The following MTSS1 variants were observed in gnomAD, a reference collection of about 807,000 sequenced individuals.
The protein encoded by MTSS1 is MTSS I-BAR domain containing 1, also known as protein MTSS 1.
In MTSS1, 18 loss-of-function variants were observed where a neutral mutation model predicts 79.0. The ratio of observed to expected loss-of-function variants is 0.23; its 90% CI spans 0.16 to 0.34. MTSS1 has a LOEUF of 0.34. Among genes scored for constraint, MTSS1 ranks in the 10% least tolerant of loss-of-function variants. The pLI is 1.00. For missense variants in MTSS1, 815 were observed against 986.2 expected (o/e 0.83, Z 2.33); for synonymous variants, 341 against 368.6 (o/e 0.93, Z 0.86).
At chr8:124,577,583 CA>C (rs759483069) in intron 6 of MTSS1, 1 of 518,996 alleles carries the variant, frequency 1.9e-6, no homozygotes, top group Non-Finnish European at 3.8e-6. Context: ...GGATTCAGGT[CA>C]GGGGCAGCTT....
At chr8:124,713,526 A>C (rs1051933423) in intron 1 of MTSS1, among the ~76,000 whole-genome samples, 2 of 152,056 alleles carry the variant, frequency 1.3e-5, no homozygotes, top group Non-Finnish European at 2.9e-5. Context: ...GAGGTTCAAG[A>C]GATTCTCCTG....
At chr8:124,654,033 G>A (rs1820501158) in intron 3 of MTSS1, among the ~76,000 whole-genome samples, 1 of 152,212 alleles carries the variant, frequency 6.6e-6, no homozygotes, top group Middle Eastern at 3.4e-3. Context: ...CCACTTCTTG[G>A]GTTACTTACA....
At position 124,716,236 on chromosome 8, in the gene MTSS1, G is replaced by A. The variant is rs115563012; in HGVS notation, c.72+11648C>T. ...CCAGAGTGAGGCAATGCCTCACCTC[G>A]GTCTCAGAGGATAAATGGGAATTTT... On this transcript the variant is annotated intron_variant, in intron 1 of 13. Transcript: ENST00000518547. 6.8e-3 allele frequency among the ~76,000 whole-genome samples: 1,037 copies of A among 152,246 alleles called. 12 individuals are homozygous for A. Among genetic ancestry groups the A allele is most frequent in the African/African-American group, 0.022 (932 of 41,530 alleles).
intron 3 of MTSS1, among the ~76,000 whole-genome samples, chr8:124,653,107 G>A (rs1029242375): frequency 4.6e-5 from 7 of 152,308 alleles, no homozygotes; most frequent in Admixed American, 6.5e-5. Context: ...TGGAATGCCC[G>A]GATGGGGCAC....
intron 6 of MTSS1, among the ~76,000 whole-genome samples, chr8:124,572,875 T>C (rs1828126774): frequency 7.4e-6 from 1 of 134,954 alleles, no homozygotes; most frequent in East Asian, 2.2e-4. Context: ...GCCACCCAAG[T>C]AGCTGGGATT....
At chr8:124,558,961 CAT>C (rs1824656106) in intron 10 of MTSS1, 9 of 1,258,744 alleles carry the variant, frequency 7.1e-6, no homozygotes, top group Non-Finnish European at 9.4e-6. Flanking sequence ...AAGAGACAGA[CAT>C]ATACACAGAA....
chr8:124,589,306 C>T (rs574881584), intron 5 of MTSS1, among the ~76,000 whole-genome samples: 1 of 152,298 alleles, frequency 6.6e-6, no homozygotes, highest in South Asian at 2.1e-4. Flanking sequence ...GCCGGGATTA[C>T]AGGTCTGAGC....
At chr8:124,651,063 G>T (rs2134169994) in intron 3 of MTSS1, among the ~76,000 whole-genome samples, 1 of 152,304 alleles carries the variant, frequency 6.6e-6, no homozygotes, top group Admixed American at 6.5e-5. Flanking sequence ...ATTAAATGTT[G>T]ACTTCTATTA....
chr8:124,663,986 TCTGCAGACAA>T (rs1390867325), intron 3 of MTSS1, among the ~76,000 whole-genome samples: 1 of 152,060 alleles, frequency 6.6e-6, no homozygotes, highest in Non-Finnish European at 1.5e-5. Flanking sequence ...CCCAGTGGTG[TCTGCAGACAA>T]AGGAGAAATA....
At chr8:124,670,774 C>G (rs569012460) in intron 3 of MTSS1, among the ~76,000 whole-genome samples, 1 of 152,132 alleles carries the variant, frequency 6.6e-6, no homozygotes, top group South Asian at 2.1e-4. Context: ...CAATTCATCC[C>G]GTCTCCAAAG....
chr8:124,629,725 G>A (rs1026888169), intron 3 of MTSS1, among the ~76,000 whole-genome samples: 5 of 151,896 alleles, frequency 3.3e-5, no homozygotes, highest in African/African-American at 9.7e-5. Flanking sequence ...AGTTTCCATC[G>A]TAACACACAG....
At chr8:124,623,218 C>T (rs1474817220) in intron 3 of MTSS1, among the ~76,000 whole-genome samples, 1 of 152,240 alleles carries the variant, frequency 6.6e-6, no homozygotes, top group African/African-American at 2.4e-5. Flanking sequence ...GTCTTCTGAA[C>T]TCACACACGT....
At chr8:124,704,257 G>A in intron 1 of MTSS1, 66 bp from the exon 2 acceptor site, 2 of 1,348,434 alleles carry the variant, frequency 1.5e-6, no homozygotes, top group Non-Finnish European at 2.1e-6. Flanking sequence ...CATTAACAGA[G>A]CACCCAATTC....
At chr8:124,697,776 G>A (rs1350224110) in intron 3 of MTSS1, among the ~76,000 whole-genome samples, 1 of 152,100 alleles carries the variant, frequency 6.6e-6, no homozygotes, top group East Asian at 1.9e-4. Context: ...CATAAGCTAT[G>A]GAGTAATTTT....
chr8:124,562,947 G>A lies in MTSS1; in HGVS notation c.870C>T (p.Ser290=), dbSNP rs1369753877. The A allele has an allele frequency of 6.2e-7, 1 of 1,613,058 alleles. No homozygotes were observed. The highest frequency in any genetic ancestry group is 1.1e-5 in the South Asian group (1 of 90,912). The change falls in exon 10 of 14, where the codon TCC becomes TCT. Residue 290 remains serine (S), a synonymous_variant. Transcript: ENST00000518547. ...AATGTGAGCTGGGGGAATGCGAGTG[G>A]GAGCCGCTGGACCGGGAGTCACTGC... ...VNSSDSRSSG[S]HSHSPSSHYR...
At chr8:124,711,722 C>T (rs901124407) in intron 1 of MTSS1, among the ~76,000 whole-genome samples, 5 of 152,046 alleles carry the variant, frequency 3.3e-5, no homozygotes, top group Non-Finnish European at 5.9e-5. Context: ...AAAGAAAGCA[C>T]GAGGCTGGGC....
intron 3 of MTSS1, among the ~76,000 whole-genome samples, chr8:124,623,083 G>A (rs180772668): frequency 1.5e-3 from 232 of 152,308 alleles, no homozygotes; most frequent in African/African-American, 5.1e-3. Flanking sequence ...GCACTCAAGT[G>A]GTTCCTAATC....
intron 3 of MTSS1, among the ~76,000 whole-genome samples, chr8:124,614,404 C>G (rs970096574): frequency 3.3e-5 from 5 of 152,208 alleles, no homozygotes; most frequent in Admixed American, 2.0e-4. Context: ...CCTCTCCTTT[C>G]TAAGGGATGG....
chr8:124,670,483 C>T (rs114315638), intron 3 of MTSS1, among the ~76,000 whole-genome samples: 58 of 150,096 alleles, frequency 3.9e-4, no homozygotes, highest in African/African-American at 9.7e-4. Flanking sequence ...CTGACGTCGT[C>T]GTACTTGCAA....
Sources: gnomAD v4.1 joint callset for allele counts (sites outside exome capture counted in the v4.1 genomes callset) on GRCh38, gnomAD v4.1.1 for gene constraint, MANE v1.5 for transcripts, NCBI Gene and HGNC (gene_info 2026-07-23, HGNC 2026-07-21) for gene names.